STXBP5L: variants seen among roughly 807,000 people sequenced by gnomAD.
The protein encoded by STXBP5L is syntaxin binding protein 5L.
In STXBP5L, 65 loss-of-function variants were observed where a neutral mutation model predicts 144.5. The ratio of observed to expected loss-of-function variants is 0.45; its 90% CI spans 0.37 to 0.55. The LOEUF (loss-of-function observed/expected upper bound fraction) is 0.55, where lower values mean the gene tolerates loss of function less well. STXBP5L is among the 20% of genes least tolerant of loss of function. The pLI is 0.00. For synonymous variants in STXBP5L, 505 were observed against 469.6 expected (o/e 1.08, Z -0.97); for missense variants, 1,298 against 1,405.5 (o/e 0.92, Z 1.22).
chr3:121,147,425 A>T (rs756444969), intron 7 of STXBP5L, among the ~76,000 whole-genome samples: 2 of 152,156 alleles, frequency 1.3e-5, no homozygotes, highest in African/African-American at 4.8e-5. Context: ...TGCAATAACA[A>T]TGTGACATAT....
At chr3:121,318,023 T>C (rs1459171782) in intron 19 of STXBP5L, among the ~76,000 whole-genome samples, 2 of 152,104 alleles carry the variant, frequency 1.3e-5, no homozygotes, top group Admixed American at 1.3e-4. Context: ...CAGATAAAAT[T>C]GGGTCATTTA....
At chr3:121,377,219 T>C (rs2108675669) in intron 20 of STXBP5L, among the ~76,000 whole-genome samples, 1 of 152,290 alleles carries the variant, frequency 6.6e-6, no homozygotes. Flanking sequence ...ATACCCTTTA[T>C]TTCTTTCTCT....
At position 121,371,576 on chromosome 3, in the gene STXBP5L, C is replaced by T. The variant is rs979773810; in HGVS notation, c.2177-7140C>T. ...GTGCTGGTAGGTACCAGAGTGCCAGCCTTTGAGCAGGCATTCACAGCAGTA... is the reference window on the plus strand; with the variant it reads ...GTGCTGGTAGGTACCAGAGTGCCAGTCTTTGAGCAGGCATTCACAGCAGTA... On this transcript the variant is annotated intron_variant, in intron 20 of 26. Coordinates refer to ENST00000471454, the MANE Select transcript of STXBP5L (RefSeq NM_001308330.2). Among the ~76,000 whole-genome samples the T allele has an allele frequency of 2.0e-5, 3 of 152,220 alleles. No individual in the cohort carries two copies. The East Asian group carries it at 5.8e-4, about 29-fold the overall frequency.
At chr3:121,199,293 G>T (rs939265271) in intron 9 of STXBP5L, among the ~76,000 whole-genome samples, 1 of 152,034 alleles carries the variant, frequency 6.6e-6, no homozygotes, top group South Asian at 2.1e-4. Flanking sequence ...GTCTATTATC[G>T]ATGTATAGGA....
intron 3 of STXBP5L, among the ~76,000 whole-genome samples, chr3:120,969,938 A>G (rs936737102): frequency 6.6e-6 from 1 of 151,968 alleles, no homozygotes; most frequent in African/African-American, 2.4e-5. Flanking sequence ...ATTTTGTGCT[A>G]CTTATTTTTA....
rs979902785 is a variant in STXBP5L at position 121,014,847 on chromosome 3, A to G, written c.288-26853A>G. Among the ~76,000 whole-genome samples, 5 of 152,102 alleles carry G rather than the reference A, an allele frequency of 3.3e-5. 1 individual carries two copies. The highest frequency in any genetic ancestry group is 7.4e-5 in the Non-Finnish European group (5 of 67,990). On this transcript the variant is annotated intron_variant, in intron 3 of 26. Transcript: ENST00000471454. Reference sequence around the variant, plus strand: ...AAACTTAGCAAGATTACAGAAACAAATATTTAATAATTATATTTTTATGTG... The same window carrying G: ...AAACTTAGCAAGATTACAGAAACAAGTATTTAATAATTATATTTTTATGTG...
intron 5 of STXBP5L, among the ~76,000 whole-genome samples, chr3:121,053,666 A>T (rs1261205179): frequency 2.6e-5 from 4 of 152,226 alleles, no homozygotes; most frequent in Non-Finnish European, 4.4e-5. Flanking sequence ...ACCATTCAGG[A>T]CATAGGCATG....
rs1407331494 is a variant in STXBP5L at position 121,407,259 on chromosome 3, G to A, written c.2604G>A (p.Leu868=). The A allele has an allele frequency of 1.9e-6, 3 of 1,568,150 alleles. No individual in the cohort carries two copies. The highest frequency in any genetic ancestry group is 2.6e-6 in the Non-Finnish European group (3 of 1,159,566). The part of the protein sequence containing the change: ...MVLPSGTFLS[L]KGAVLTFSCM... ...TTTTTATAGGTACATTCCTCTCATT[G>A]AAAGGAGCTGTGCTAACATTCTCCT... The change falls in exon 23 of 27, where the codon TTG becomes TTA. Residue 868 remains leucine, a synonymous_variant. Coordinates refer to ENST00000471454, the MANE Select transcript of STXBP5L (RefSeq NM_001308330.2).
chr3:121,101,614 A>T (rs531161125), intron 5 of STXBP5L, among the ~76,000 whole-genome samples: 1 of 152,134 alleles, frequency 6.6e-6, no homozygotes, highest in Admixed American at 6.6e-5. Flanking sequence ...TGATAAACAC[A>T]TAGCCAATAT....
intron 3 of STXBP5L, among the ~76,000 whole-genome samples, chr3:120,979,011 A>T (rs954846456): frequency 8.5e-5 from 13 of 152,128 alleles, no homozygotes; most frequent in Admixed American, 1.3e-4. Flanking sequence ...GACCCACTTG[A>T]GGAGGCAGTC....
At chr3:121,059,289 G>T (rs539464726) in intron 5 of STXBP5L, among the ~76,000 whole-genome samples, 2 of 152,118 alleles carry the variant, frequency 1.3e-5, no homozygotes, top group African/African-American at 4.8e-5. Context: ...TTGTAGATGT[G>T]TGGTGTTATT....
intron 2 of STXBP5L, among the ~76,000 whole-genome samples, chr3:120,916,920 A>T (rs901647138): frequency 1.3e-5 from 2 of 152,196 alleles, no homozygotes; most frequent in Admixed American, 1.3e-4. Flanking sequence ...AAATCTGTAA[A>T]CTGTAAAAGT....
intron 6 of STXBP5L, among the ~76,000 whole-genome samples, chr3:121,117,043 T>G (rs1170142009): frequency 1.3e-5 from 2 of 151,934 alleles, no homozygotes; most frequent in Non-Finnish European, 2.9e-5. Flanking sequence ...TTCATTTATG[T>G]AACAAATCCT....
intron 3 of STXBP5L, among the ~76,000 whole-genome samples, chr3:121,003,504 C>T (rs901287511): frequency 2.0e-5 from 3 of 152,290 alleles, no homozygotes; most frequent in Admixed American, 6.5e-5. Flanking sequence ...CTCTAGGTTG[C>T]CTGTTCACTC....
intron 9 of STXBP5L, among the ~76,000 whole-genome samples, chr3:121,170,298 G>C: frequency 6.6e-6 from 1 of 152,036 alleles, no homozygotes; most frequent in Non-Finnish European, 1.5e-5. Flanking sequence ...AGAGAAGCAA[G>C]AGGAAACATA....
At chr3:121,004,272 T>C (rs1309826646) in intron 3 of STXBP5L, among the ~76,000 whole-genome samples, 1 of 151,582 alleles carries the variant, frequency 6.6e-6, no homozygotes, top group Non-Finnish European at 1.5e-5. Context: ...TCACATCCCT[T>C]GTAAGTTGGA....
chr3:121,042,884 G>T (rs988468788), intron 4 of STXBP5L, among the ~76,000 whole-genome samples: 19 of 151,722 alleles, frequency 1.3e-4, no homozygotes, highest in Admixed American at 4.0e-4. Flanking sequence ...ATATTTCATT[G>T]TAATAACTGC....
chr3:121,328,504 T>G (rs1327128530), intron 20 of STXBP5L, among the ~76,000 whole-genome samples: 2 of 152,146 alleles, frequency 1.3e-5, no homozygotes, highest in African/African-American at 4.8e-5. Context: ...AACTCAGCAC[T>G]TTGGGAGGCC....
At chr3:121,058,403 C>G (rs977298455) in intron 5 of STXBP5L, among the ~76,000 whole-genome samples, 1 of 152,194 alleles carries the variant, frequency 6.6e-6, no homozygotes, top group Non-Finnish European at 1.5e-5. Flanking sequence ...GGTTGCAAGT[C>G]TTTGCTACTG....
Sources: gnomAD v4.1 joint callset for allele counts (sites outside exome capture counted in the v4.1 genomes callset) on GRCh38, gnomAD v4.1.1 for gene constraint, MANE v1.5 for transcripts, NCBI Gene and HGNC (gene_info 2026-07-23, HGNC 2026-07-21) for gene names.